MYO1D: variants seen among roughly 807,000 people sequenced by gnomAD.
The protein encoded by MYO1D is unconventional myosin-Id.
MYO1D carries 83 observed loss-of-function variants against 122.0 expected under a neutral mutation model. The ratio of observed to expected loss-of-function variants is 0.68; its 90% CI spans 0.57 to 0.82. The LOEUF is 0.82. Ranked by LOEUF, MYO1D falls within the 40% of genes least tolerant of loss-of-function variation. The pLI, the probability that MYO1D is intolerant of heterozygous loss-of-function variation, is 0.00. For synonymous variants in MYO1D, 464 were observed against 446.9 expected (o/e 1.04, Z -0.48); for missense variants, 1,157 against 1,269.5 (o/e 0.91, Z 1.35).
chr17:32,645,905 T>C (rs1039490754), intron 19 of MYO1D, among the ~76,000 whole-genome samples: 1 of 152,252 alleles, frequency 6.6e-6, no homozygotes, highest in Non-Finnish European at 1.5e-5. Flanking sequence ...TCTCAGCTCG[T>C]CAAAGTCATT....
chr17:32,768,086 G>A (rs1000851994), intron 6 of MYO1D, among the ~76,000 whole-genome samples: 1 of 152,224 alleles, frequency 6.6e-6, no homozygotes, highest in Non-Finnish European at 1.5e-5. Context: ...GATCACAAAT[G>A]CAAGTGCTGA....
intron 14 of MYO1D, among the ~76,000 whole-genome samples, chr17:32,731,443 T>C (rs553049123): frequency 6.6e-6 from 1 of 152,366 alleles, no homozygotes; most frequent in Non-Finnish European, 1.5e-5. Context: ...AGCATTCTCA[T>C]ATTCTCTTTC....
At chr17:32,617,906 T>G (rs1597938713) in intron 20 of MYO1D, among the ~76,000 whole-genome samples, 2 of 152,234 alleles carry the variant, frequency 1.3e-5, no homozygotes, top group Non-Finnish European at 2.9e-5. Context: ...TTTTAACACA[T>G]CAGATAAACA....
At chr17:32,865,205 A>G (rs1303954726) in intron 1 of MYO1D, among the ~76,000 whole-genome samples, 1 of 152,218 alleles carries the variant, frequency 6.6e-6, no homozygotes, top group East Asian at 1.9e-4. Context: ...TTAATTGACT[A>G]TAAAATTTAT....
rs565991481 is a variant in MYO1D at position 32,540,160 on chromosome 17, C to T, written c.2865-45245G>A. Among the ~76,000 whole-genome samples the T allele has an allele frequency of 4.6e-5, 7 of 151,744 alleles. No homozygotes were observed. The East Asian group carries it at 1.4e-3, about 29-fold the overall frequency. The stretch of plus-strand genomic sequence containing the variant: ...CAGTAGTTCAAAACCAATCTGCCAA[C>T]ATGATGAAACCCCGTCTCCACTAAA... On this transcript the variant is annotated intron_variant, in intron 21 of 21. Transcript: ENST00000318217.
intron 1 of MYO1D, among the ~76,000 whole-genome samples, chr17:32,824,401 A>G (rs2090703153): frequency 1.3e-5 from 2 of 152,184 alleles, no homozygotes; most frequent in Admixed American, 1.3e-4. Context: ...GTAAAGAGAT[A>G]TTTGTCCTTT....
chr17:32,738,279 C>A lies in MYO1D; in HGVS notation c.1720G>T (p.Ala574Ser). Residue 574 changes from alanine (A) to serine (S), a missense_variant, in exon 14 of 22, where the codon GCT becomes TCT. By Grantham distance (99) the Ala-to-Ser change is moderately conservative. Transcript: ENST00000318217. ...AATLFKNSMIALVDNLASKEP... is the reference protein window; with the variant it reads ...AATLFKNSMISLVDNLASKEP... Reference sequence around the variant, plus strand: ...TTTGATGCAAGGTTGTCTACTAGAGCAATCATAGAATTCTTAAACAAGGTA... The same window carrying A: ...TTTGATGCAAGGTTGTCTACTAGAGAAATCATAGAATTCTTAAACAAGGTA... The A allele has an allele frequency of 6.2e-7, 1 of 1,607,228 alleles. No individual in the cohort carries two copies. Among genetic ancestry groups the A allele is most frequent in the Non-Finnish European group, 8.5e-7 (1 of 1,176,930 alleles).
At chr17:32,750,429 C>T (rs907849635) in intron 11 of MYO1D, among the ~76,000 whole-genome samples, 1 of 151,752 alleles carries the variant, frequency 6.6e-6, no homozygotes, top group Non-Finnish European at 1.5e-5. Flanking sequence ...CTGGCTAACA[C>T]AGTGAAACCC....
In MYO1D at chr17:32,734,243, CT is replaced by C. The variant is rs199779621; in HGVS notation, c.1746+4009del. The stretch of plus-strand genomic sequence containing the variant: ...ATTCTTCTTGAATTAATTTTGATAA[CT>C]TTTTTTTTCTAGAAAACCATCTACA... On this transcript the variant is annotated intron_variant, in intron 14 of 21. Coordinates refer to ENST00000318217, the MANE Select transcript of MYO1D (RefSeq NM_015194.3). Among the ~76,000 whole-genome samples the C allele has an allele frequency of 2.7e-3, 407 of 151,528 alleles. 1 individual carries two copies. Among genetic ancestry groups the C allele is most frequent in the African/African-American group, 8.9e-3 (368 of 41,378 alleles).
At chr17:32,558,544 A>G (rs951088743) in intron 21 of MYO1D, among the ~76,000 whole-genome samples, 29 of 152,308 alleles carry the variant, frequency 1.9e-4, no homozygotes, top group African/African-American at 7.0e-4. Flanking sequence ...AGATAACACA[A>G]CCGCTGAGAA....
intron 1 of MYO1D, among the ~76,000 whole-genome samples, chr17:32,822,570 C>T (rs938075738): frequency 1.3e-4 from 20 of 149,462 alleles, no homozygotes; most frequent in Non-Finnish European, 1.5e-5. Flanking sequence ...GCCCGGGGAG[C>T]GTGGGTGGGA....
intron 21 of MYO1D, among the ~76,000 whole-genome samples, chr17:32,554,533 A>G (rs553651516): frequency 6.6e-6 from 1 of 152,342 alleles, no homozygotes; most frequent in South Asian, 2.1e-4. Context: ...ATAAGTGAAT[A>G]TTTACCTGAT....
In MYO1D at chr17:32,659,253, A is replaced by C; in HGVS notation, c.2207T>G (p.Val736Gly). Residue 736 changes from valine (V) to glycine (G), a missense_variant, in exon 17 of 22, where the codon GTG (valine) becomes GGG (glycine). Transcript: ENST00000318217. ...TIIRYYRRYK[V>G]KSYIHEVARR... ...GGCCACCTCGTGGATGTACGACTTC[A>C]CTTTGTAGCGCCGGTAGTACCTGAT... is the stretch of plus-strand genomic sequence containing the variant. 6.2e-7 allele frequency: 1 copy of C among 1,614,220 alleles called. No homozygotes were observed. The highest frequency in any genetic ancestry group is 8.5e-7 in the Non-Finnish European group (1 of 1,180,040).
chr17:32,613,789 CAAAAAAAAAAAAAAA>C lies in MYO1D; in HGVS notation c.2710-8563_2710-8549del, dbSNP rs60701225. 1.2e-3 allele frequency among the ~76,000 whole-genome samples: 60 copies of C among 51,060 alleles called. 1 individual carries two copies. Among genetic ancestry groups the C allele is most frequent in the Middle Eastern group, 0.025 (1 of 40 alleles). 33.5% of individuals were successfully genotyped at this position (51,060 alleles called of 152,430 possible). On this transcript the variant is annotated intron_variant, in intron 20 of 21. Coordinates refer to ENST00000318217, the MANE Select transcript of MYO1D (RefSeq NM_015194.3). Reference sequence around the variant, plus strand: ...TGGGCGACAGAGCAAGATTCCATCTCAAAAAAAAAAAAAAAAAAAAAAAAAGAAATACCTCAATAT... The same window carrying C: ...TGGGCGACAGAGCAAGATTCCATCTCAAAAAAAAAAGAAATACCTCAATAT...
chr17:32,511,984 A>G (rs1424249517), intron 21 of MYO1D, among the ~76,000 whole-genome samples: 2 of 152,136 alleles, frequency 1.3e-5, no homozygotes, highest in Admixed American at 1.3e-4. Context: ...CCTACACACA[A>G]ACACACTGGG....
chr17:32,576,657 T>G (rs939600458), intron 21 of MYO1D, among the ~76,000 whole-genome samples: 6 of 152,136 alleles, frequency 3.9e-5, no homozygotes, highest in African/African-American at 1.4e-4. Context: ...TATTTATGAA[T>G]GAGTGAATGA....
chr17:32,776,791 G>C (rs867621554), intron 3 of MYO1D, among the ~76,000 whole-genome samples: 10 of 152,008 alleles, frequency 6.6e-5, no homozygotes, highest in African/African-American at 2.2e-4. Flanking sequence ...TTCTTTATTC[G>C]ACGAATGCTA....
chr17:32,664,734 G>A (rs909462410), intron 16 of MYO1D, among the ~76,000 whole-genome samples: 12 of 152,268 alleles, frequency 7.9e-5, no homozygotes, highest in African/African-American at 1.9e-4. Flanking sequence ...GACAGGGAAC[G>A]ACTCAGGTAT....
intron 5 of MYO1D, among the ~76,000 whole-genome samples, chr17:32,772,544 G>T (rs1002206902): frequency 6.6e-6 from 1 of 152,220 alleles, no homozygotes; most frequent in African/African-American, 2.4e-5. Context: ...TATGGGGGAT[G>T]CTCACCCAAG....
Sources: allele counts gnomAD v4.1 joint callset (sites outside exome capture counted in the v4.1 genomes callset), GRCh38; gene constraint gnomAD v4.1.1; transcripts MANE v1.5; gene names NCBI Gene and HGNC (gene_info 2026-07-23, HGNC 2026-07-21).